The following ZIC4 variants were observed in gnomAD, a reference collection of about 807,000 sequenced individuals.
ZIC4 encodes the protein Zic family zinc finger 4, also known as zinc finger protein ZIC 4.
ZIC4 carries 15 observed loss-of-function variants against 28.8 expected under a neutral mutation model. The ratio of observed to expected loss-of-function variants is 0.52; its 90% CI spans 0.35 to 0.80. The LOEUF (loss-of-function observed/expected upper bound fraction) is 0.80, where lower values mean the gene tolerates loss of function less well. ZIC4 is among the 30% of genes least tolerant of loss of function. ZIC4 has a pLI of 0.01. For synonymous variants in ZIC4, 220 were observed against 198.1 expected, an observed-to-expected ratio of 1.11 and a Z score of -0.93; for missense variants, 512 against 467.1, an observed-to-expected ratio of 1.10 and a Z score of -0.89.
rs537556414 is a variant in ZIC4 at position 147,395,349 on chromosome 3, G to A, written c.688+503C>T. Among the ~76,000 whole-genome samples the A allele has an allele frequency of 4.2e-4, 64 of 152,208 alleles. No homozygotes were observed. The South Asian group carries it at 0.013, about 31-fold the overall frequency. Reference sequence around the variant, plus strand: ...AACATCCCTAGTGTCCGGCCACCAAGGCTCAAAAATACGTACAAAGTTAGC... The same window carrying A: ...AACATCCCTAGTGTCCGGCCACCAAAGCTCAAAAATACGTACAAAGTTAGC... On this transcript the variant is annotated intron_variant, in intron 3 of 4. Coordinates refer to ENST00000383075, the MANE Select transcript of ZIC4 (RefSeq NM_032153.6).
chr3:147,399,222 A>G (rs1351117905), intron 2 of ZIC4, among the ~76,000 whole-genome samples: 1 of 152,066 alleles, frequency 6.6e-6, no homozygotes, highest in Non-Finnish European at 1.5e-5. Context: ...ACTTTCTCCC[A>G]TGGTTTACTC....
rs1477034142 is a variant in ZIC4, at chr3:147,402,842, T to C, written c.-15-30A>G. 3.8e-6 allele frequency: 6 copies of C among 1,593,600 alleles called. No individual in the cohort carries two copies. In the Admixed American group the frequency reaches 6.7e-5, roughly 18 times the overall value. ...TTGGGAAGAAAAGAGTGACAGTCAC[T>C]AGTTAAACAATTTTACACGTCTGTG... On this transcript the variant is annotated intron_variant, in intron 1 of 4. Transcript: ENST00000383075.
chr3:147,404,606 A>G lies in ZIC4; in HGVS notation c.-16+1757T>C, dbSNP rs184350410. 3.3e-5 allele frequency among the ~76,000 whole-genome samples: 5 copies of G among 152,330 alleles called. No individual in the cohort carries two copies. In the East Asian group the frequency reaches 5.8e-4, roughly 18 times the overall value. ...CCCCAAATGCTTGCTCCCCACATCAACCACGGCCTCCTAATTACCAGTCCA... is the reference window on the plus strand; with the variant it reads ...CCCCAAATGCTTGCTCCCCACATCAGCCACGGCCTCCTAATTACCAGTCCA... On this transcript the variant is annotated intron_variant, in intron 1 of 4. Transcript: ENST00000383075.
chr3:147,394,888 G>A (rs957263651), intron 3 of ZIC4, among the ~76,000 whole-genome samples: 1 of 152,190 alleles, frequency 6.6e-6, no homozygotes, highest in Non-Finnish European at 1.5e-5. Context: ...GAATAGGGGC[G>A]AGTAAGGCAA....
At chr3:147,392,121 A>T (rs2086937331) in intron 3 of ZIC4, 8 of 985,302 alleles carry the variant, frequency 8.1e-6, no homozygotes, top group Non-Finnish European at 9.6e-6. Flanking sequence ...GACCACCCCC[A>T]CCTGGCTGTC....
rs538634623 is a variant in ZIC4 at position 147,387,657 on chromosome 3, G to C, written c.*1202C>G. On this transcript the variant is annotated 3_prime_UTR_variant, in exon 5 of 5. Transcript: ENST00000383075. Reference sequence around the variant, plus strand: ...CCTGCCATCTTCCCCACATCCCCTTGGCCTTGGGCTCTTGAGTTTGCATCT... The same window carrying C: ...CCTGCCATCTTCCCCACATCCCCTTCGCCTTGGGCTCTTGAGTTTGCATCT... 1 of 152,416 alleles carries C rather than the reference G, an allele frequency of 6.6e-6. No individual in the cohort carries two copies. The highest frequency in any genetic ancestry group is 1.5e-5 in the Non-Finnish European group (1 of 68,036). The allele number at this position is 152,416 out of a possible 1,614,324, so 9.4% of individuals were successfully genotyped here.
At chr3:147,388,988 C>T in intron 4 of ZIC4, 129 bp from the exon 5 acceptor site, 2 of 672,168 alleles carry the variant, frequency 3.0e-6, no homozygotes, top group Non-Finnish European at 2.7e-6. Context: ...GAAAAAAGTC[C>T]TACTTCAGGA....
intron 3 of ZIC4, chr3:147,392,557 C>T: frequency 2.0e-6 from 1 of 499,714 alleles, no homozygotes; most frequent in Non-Finnish European, 2.6e-6. Context: ...ATGGCTGCCT[C>T]CCAGCGCTCT....
intron 1 of ZIC4, chr3:147,403,610 G>C: frequency 5.5e-6 from 1 of 180,956 alleles, no homozygotes; most frequent in Non-Finnish European, 1.2e-5. Flanking sequence ...GTCAGGCAAG[G>C]CTGAGGCAGT....
intron 3 of ZIC4, chr3:147,391,911 C>A: frequency 2.1e-5 from 20 of 942,504 alleles, no homozygotes; most frequent in Non-Finnish European, 2.3e-5. Flanking sequence ...ATGGAGCCCC[C>A]TCCCTCTTTC....
rs2086839677 is a variant in ZIC4, at chr3:147,388,521, G to C, written c.*338C>G. 1.7e-5 allele frequency: 6 copies of C among 352,144 alleles called. No individual in the cohort carries two copies. The East Asian group carries it at 2.6e-4, about 15-fold the overall frequency. The allele number at this position is 352,144 out of a possible 1,614,324, so 21.8% of individuals were successfully genotyped here. On this transcript the variant is annotated 3_prime_UTR_variant, in exon 5 of 5. Coordinates refer to ENST00000383075, the MANE Select transcript of ZIC4 (RefSeq NM_032153.6). ...ATTATTATCCATTTTTATTATGATC[G>C]GGTACAAGTGCCCATTCGCGTGGGT...
At chr3:147,389,832 A>G (rs1296715025) in intron 4 of ZIC4, among the ~76,000 whole-genome samples, 1 of 152,082 alleles carries the variant, frequency 6.6e-6, no homozygotes, top group Non-Finnish European at 1.5e-5. Context: ...AAAGACCATC[A>G]CCGAATTGAC....
At chr3:147,392,298 C>T in intron 3 of ZIC4, 5 of 985,758 alleles carry the variant, frequency 5.1e-6, no homozygotes, top group Non-Finnish European at 6.0e-6. Flanking sequence ...GGCCACCAGG[C>T]GGCTGGCATA....
rs757175119 is a variant in ZIC4 at position 147,402,832 on chromosome 3, T to A, written c.-15-20A>T. The A allele has an allele frequency of 2.5e-6, 4 of 1,606,880 alleles. No individual in the cohort carries two copies. In the African/African-American group the frequency reaches 4.0e-5, roughly 16 times the overall value. The stretch of plus-strand genomic sequence containing the variant: ...TTGAGCCTGTTTGGGAAGAAAAGAG[T>A]GACAGTCACTAGTTAAACAATTTTA... On this transcript the variant is annotated intron_variant, in intron 1 of 4. Transcript: ENST00000383075.
rs1451761028 is a variant in ZIC4, at chr3:147,387,166, C to A, written c.*1693G>T. The A allele has an allele frequency of 6.6e-6, 1 of 152,274 alleles. No homozygotes were observed. Among genetic ancestry groups the A allele is most frequent in the African/African-American group, 2.4e-5 (1 of 41,416 alleles). The allele number at this position is 152,274 out of a possible 1,614,324, so 9.4% of individuals were successfully genotyped here. A position where few individuals can be genotyped will look rare whatever the true frequency, so the allele number is the denominator to read the frequency against. ...TGTCCCAAAGCTTGTCCCGAGGGCC[C>A]CCCAACTTCTGCATACTTCACCAGA... On this transcript the variant is annotated 3_prime_UTR_variant, in exon 5 of 5. Coordinates refer to ENST00000383075, the MANE Select transcript of ZIC4 (RefSeq NM_032153.6).
In ZIC4 at chr3:147,392,491, C is replaced by A. The variant is rs1559960191; in HGVS notation, c.689-1245G>T. The A allele has an allele frequency of 4.1e-6, 4 of 967,478 alleles. No homozygotes were observed. In the South Asian group the frequency reaches 1.4e-4, roughly 35 times the overall value. 59.9% of individuals were successfully genotyped at this position (967,478 alleles called of 1,614,324 possible). ...AGAACCCGGAAGCCTAGATTCCTGC[C>A]GGAGCTGCAAGTGCTGCGGAAATGG... is the stretch of plus-strand genomic sequence containing the variant. On this transcript the variant is annotated intron_variant, in intron 3 of 4. Transcript: ENST00000383075.
chr3:147,405,698 GC>G, intron 1 of ZIC4: 1 of 581,310 alleles, frequency 1.7e-6, no homozygotes, highest in Non-Finnish European at 3.1e-6. Context: ...CGCGCAGAGA[GC>G]AGATCCCAGC....
intron 3 of ZIC4, chr3:147,392,567 T>C (rs1347253182): frequency 7.4e-6 from 3 of 406,976 alleles, no homozygotes; most frequent in Non-Finnish European, 9.9e-6. Context: ...CCCAGCGCTC[T>C]GAGTTAAGGG....
At position 147,402,765 on chromosome 3, in the gene ZIC4, T is replaced by A. The variant is rs2087193542; in HGVS notation, c.33A>T (p.Lys11Asn). MRYKTSLVMR[K>N]RLRLYRNTLK... is the part of the protein sequence containing the mutation. ...GAGTGTTTCGGTAAAGCCGTAATCGTTTCCTCATCACCAAGGATGTCTTGT... is the reference window on the plus strand; with the variant it reads ...GAGTGTTTCGGTAAAGCCGTAATCGATTCCTCATCACCAAGGATGTCTTGT... Residue 11 changes from lysine to asparagine, a missense_variant, in exon 2 of 5, where the codon AAA (lysine) becomes AAT (asparagine). Lys to Asn is a moderately conservative substitution (Grantham distance 94, BLOSUM62 0). Coordinates refer to ENST00000383075, the MANE Select transcript of ZIC4 (RefSeq NM_032153.6). 5.0e-6 allele frequency: 8 copies of A among 1,614,014 alleles called. No individual in the cohort carries two copies. The highest frequency in any genetic ancestry group is 6.8e-6 in the Non-Finnish European group (8 of 1,179,968).
Sources: allele counts gnomAD v4.1 joint callset (sites outside exome capture counted in the v4.1 genomes callset), GRCh38; gene constraint gnomAD v4.1.1; transcripts MANE v1.5; gene names NCBI Gene and HGNC (gene_info 2026-07-23, HGNC 2026-07-21).